The following PCDHA2 variants were observed in gnomAD, a reference collection of about 807,000 sequenced individuals.
PCDHA2 encodes the protein protocadherin alpha 2.
A neutral mutation model predicts 66.0 loss-of-function variants in PCDHA2; 58 were observed. The ratio of observed to expected loss-of-function variants is 0.88; its 90% CI spans 0.71 to 1.09. The LOEUF (loss-of-function observed/expected upper bound fraction) is 1.09, where lower values mean the gene tolerates loss of function less well. Among genes scored for constraint, PCDHA2 ranks in the 50% least tolerant of loss-of-function variants. The pLI, the probability that PCDHA2 is intolerant of heterozygous loss-of-function variation, is 0.00. For synonymous variants in PCDHA2, 634 were observed against 554.0 expected, an observed-to-expected ratio of 1.14 and a Z score of -2.03; for missense variants, 1,267 against 1,242.3, an observed-to-expected ratio of 1.02 and a Z score of -0.30.
intron 1 of PCDHA2, among the ~76,000 whole-genome samples, chr5:140,881,674 T>C (rs782706305): frequency 5.3e-5 from 8 of 152,254 alleles, no homozygotes; most frequent in Non-Finnish European, 1.0e-4. Context: ...TCTTATGTGA[T>C]TGTTATGTTT....
At position 140,829,434 on chromosome 5, in the gene PCDHA2, T is replaced by A. The variant is rs2150167866; in HGVS notation, c.2388+32082T>A. 3 of 1,613,976 alleles carry A rather than the reference T, an allele frequency of 1.9e-6. No homozygotes were observed. In the South Asian group the frequency reaches 3.3e-5, roughly 18 times the overall value. On this transcript the variant is annotated intron_variant, in intron 1 of 3. Transcript: ENST00000526136. ...AGCTTGTCTGTGGAGGTGGCCGACA[T>A]GAATGACAATGCTCCGGCGTTCGCG...
intron 1 of PCDHA2, chr5:140,875,493 A>T: frequency 6.2e-7 from 1 of 1,612,928 alleles, no homozygotes; most frequent in South Asian, 1.1e-5. Flanking sequence ...TCGGACCAAG[A>T]GGCCCGGGAT....
chr5:140,923,062 A>G (rs548165193), intron 1 of PCDHA2, among the ~76,000 whole-genome samples: 1 of 152,372 alleles, frequency 6.6e-6, no homozygotes, highest in African/African-American at 2.4e-5. Context: ...TAAAAGAGCT[A>G]GGTCTCCTCA....
rs551502223 is a variant in PCDHA2 at position 140,976,924 on chromosome 5, T to G, written c.2389-2025T>G. ...TGTAATAAAGTGCAAAATCTAGTAC[T>G]GTGTAGCTACTTAAAACATATTATA... is the stretch of plus-strand genomic sequence containing the variant. On this transcript the variant is annotated intron_variant, in intron 1 of 3. Coordinates refer to ENST00000526136, the MANE Select transcript of PCDHA2 (RefSeq NM_018905.3). 1.6e-4 allele frequency among the ~76,000 whole-genome samples: 25 copies of G among 152,364 alleles called. No homozygotes were observed. In the South Asian group the frequency reaches 5.2e-3, roughly 32 times the overall value.
chr5:140,830,347 G>T (rs1771011399), intron 1 of PCDHA2: 1 of 1,613,982 alleles, frequency 6.2e-7, no homozygotes, highest in African/African-American at 1.3e-5. Context: ...CGTACTCGCA[G>T]CAGAGGCGGC....
chr5:141,011,553 G>T lies in PCDHA2; in HGVS notation c.*1616G>T, dbSNP rs1191049531. The T allele has an allele frequency of 6.5e-6, 1 of 153,640 alleles. No homozygotes were observed. The highest frequency in any genetic ancestry group is 1.5e-5 in the Non-Finnish European group (1 of 68,008). The allele number at this position is 153,640 out of a possible 1,614,324, so 9.5% of individuals were successfully genotyped here. Reference sequence around the variant, plus strand: ...TGTTAATCAGCTTTTGTGTATGAAAGACACAGTAAAATTTCTTTCTTAAAT... The same window carrying T: ...TGTTAATCAGCTTTTGTGTATGAAATACACAGTAAAATTTCTTTCTTAAAT... On this transcript the variant is annotated 3_prime_UTR_variant, in exon 4 of 4. Transcript: ENST00000526136.
intron 1 of PCDHA2, chr5:140,866,767 G>C (rs913136809): frequency 1.3e-5 from 2 of 152,154 alleles, no homozygotes; most frequent in East Asian, 1.9e-4. Context: ...CATACAGGCA[G>C]ATTGTATGTC....
At chr5:140,968,446 C>T in intron 1 of PCDHA2, 1 of 1,614,046 alleles carries the variant, frequency 6.2e-7, no homozygotes, top group Non-Finnish European at 8.5e-7. Context: ...CACCACTGAG[C>T]AGCACTGTGA....
At chr5:140,962,841 A>G (rs1298725922) in intron 1 of PCDHA2, among the ~76,000 whole-genome samples, 3 of 152,210 alleles carry the variant, frequency 2.0e-5, no homozygotes, top group African/African-American at 7.2e-5. Flanking sequence ...TTTTTATTAT[A>G]TAACTTGTGC....
intron 1 of PCDHA2, chr5:140,823,108 G>A (rs138806648): frequency 6.2e-7 from 1 of 1,613,958 alleles, no homozygotes; most frequent in Non-Finnish European, 8.5e-7. Flanking sequence ...TGTGGAAGTG[G>A]CCGACGTGAA....
intron 1 of PCDHA2, among the ~76,000 whole-genome samples, chr5:140,921,041 G>A (rs902181810): frequency 1.3e-5 from 2 of 151,820 alleles, no homozygotes; most frequent in Non-Finnish European, 2.9e-5. Flanking sequence ...GTGCAGTGGG[G>A]CAATCATAGC....
chr5:140,823,827 C>T (rs1554129619), intron 1 of PCDHA2: 4 of 1,613,688 alleles, frequency 2.5e-6, no homozygotes, highest in Non-Finnish European at 2.5e-6. Context: ...CGTCGGCGGG[C>T]GCTGTGGGTC....
chr5:140,889,103 T>C (rs1554183781), intron 1 of PCDHA2, among the ~76,000 whole-genome samples: 2 of 151,990 alleles, frequency 1.3e-5, no homozygotes. Flanking sequence ...TTTTTTCATC[T>C]TTATTCCAGG....
intron 1 of PCDHA2, chr5:140,876,837 C>T (rs782753877): frequency 1.9e-6 from 3 of 1,614,148 alleles, no homozygotes; most frequent in Admixed American, 3.3e-5. Context: ...CGCCTGCGTT[C>T]GCGCAGCCCG....
chr5:140,887,197 C>T (rs1348316837), intron 1 of PCDHA2, among the ~76,000 whole-genome samples: 1 of 151,678 alleles, frequency 6.6e-6, no homozygotes, highest in Non-Finnish European at 1.5e-5. Flanking sequence ...CCCGGGTTCA[C>T]GCCATTCTCC....
At chr5:140,875,242 T>A in intron 1 of PCDHA2, 1 of 943,028 alleles carries the variant, frequency 1.1e-6, no homozygotes, top group Non-Finnish European at 1.5e-6. Flanking sequence ...TGTACTTACA[T>A]AATCAGTCAC....
chr5:140,870,537 G>C (rs575452776), intron 1 of PCDHA2: 1 of 1,614,172 alleles, frequency 6.2e-7, no homozygotes, highest in Non-Finnish European at 8.5e-7. Context: ...CAGTGTCGGC[G>C]CGGGACGCGG....
chr5:140,823,503 G>C, intron 1 of PCDHA2: 1 of 1,613,406 alleles, frequency 6.2e-7, no homozygotes, highest in Non-Finnish European at 8.5e-7. Flanking sequence ...GCGGCGCAGT[G>C]AGCGAGCTGG....
chr5:140,809,637 T>A, intron 1 of PCDHA2: 1 of 1,503,338 alleles, frequency 6.7e-7, no homozygotes, highest in Non-Finnish European at 8.9e-7. Flanking sequence ...TCTTCGTAAA[T>A]TTATTTCTAA....
Sources: allele counts gnomAD v4.1 joint callset (sites outside exome capture counted in the v4.1 genomes callset), GRCh38; gene constraint gnomAD v4.1.1; transcripts MANE v1.5; gene names NCBI Gene and HGNC (gene_info 2026-07-23, HGNC 2026-07-21).